CEP70: variants seen among roughly 807,000 people sequenced by gnomAD.
CEP70 encodes the protein centrosomal protein of 70 kDa.
Under a neutral mutation model 90.9 loss-of-function variants are expected in CEP70, and 70 were observed. The observed-to-expected ratio is 0.77, with a 90% CI of 0.64 to 0.94. The LOEUF (loss-of-function observed/expected upper bound fraction) is 0.94, where lower values mean the gene tolerates loss of function less well. Among genes scored for constraint, CEP70 ranks in the 40% least tolerant of loss-of-function variants. The pLI is 0.00. For synonymous variants in CEP70, 220 were observed against 228.3 expected, an observed-to-expected ratio of 0.96 and a Z score of 0.33; for missense variants, 648 against 669.0, an observed-to-expected ratio of 0.97 and a Z score of 0.35.
At chr3:138,555,055 C>T (rs559753674) in intron 6 of CEP70, among the ~76,000 whole-genome samples, 2 of 152,210 alleles carry the variant, frequency 1.3e-5, no homozygotes, top group Non-Finnish European at 2.9e-5. Flanking sequence ...TCAAGACCAG[C>T]CTGGCGAACA....
intron 4 of CEP70, 29 bp downstream of exon 4, chr3:138,571,237 C>CT: frequency 6.4e-7 from 1 of 1,574,492 alleles, no homozygotes; most frequent in South Asian, 1.2e-5. Context: ...AACTTTTTAC[C>CT]TTAAGCATCA....
intron 16 of CEP70, among the ~76,000 whole-genome samples, 159 bp from the exon 17 acceptor site, chr3:138,498,269 C>T (rs2034129066): frequency 6.6e-6 from 1 of 151,788 alleles, no homozygotes; most frequent in Admixed American, 6.6e-5. Context: ...TTTTGTTAAT[C>T]CAATATCACT....
intron 6 of CEP70, among the ~76,000 whole-genome samples, chr3:138,569,993 T>G (rs1295426714): frequency 6.6e-6 from 1 of 152,222 alleles, no homozygotes; most frequent in Non-Finnish European, 1.5e-5. Flanking sequence ...ATATAAATTT[T>G]GGATCCTATG....
intron 2 of CEP70, among the ~76,000 whole-genome samples, chr3:138,573,215 T>C (rs2041299721): frequency 6.6e-6 from 1 of 151,996 alleles, no homozygotes; most frequent in Non-Finnish European, 1.5e-5. Flanking sequence ...CACTCTGTCC[T>C]GTCTAACCCC....
At chr3:138,528,676 C>G (rs746802967) in intron 10 of CEP70, among the ~76,000 whole-genome samples, 1 of 151,982 alleles carries the variant, frequency 6.6e-6, no homozygotes, top group Non-Finnish European at 1.5e-5. Context: ...CAAGGAGACC[C>G]CATCTCTACC....
chr3:138,515,955 C>T (rs2035976419), intron 11 of CEP70, among the ~76,000 whole-genome samples: 1 of 152,098 alleles, frequency 6.6e-6, no homozygotes, highest in Admixed American at 6.5e-5. Context: ...TCCTTTTCCC[C>T]CACAACTCCC....
At chr3:138,532,686 G>C (rs1356896477) in intron 7 of CEP70, 116 bp from the exon 8 acceptor site, 3 of 965,574 alleles carry the variant, frequency 3.1e-6, no homozygotes, top group African/African-American at 1.7e-5. Flanking sequence ...TATCTGGCAG[G>C]CTTTAAAAAA....
chr3:138,497,688 A>G (rs2034073467), intron 17 of CEP70: 1 of 985,068 alleles, frequency 1.0e-6, no homozygotes, highest in South Asian at 4.7e-5. Context: ...TTAAGAAAAA[A>G]AAAGGAGGGA....
At chr3:138,576,377 G>A (rs1428883754) in intron 2 of CEP70, among the ~76,000 whole-genome samples, 2 of 152,086 alleles carry the variant, frequency 1.3e-5, no homozygotes, top group Non-Finnish European at 2.9e-5. Flanking sequence ...AATGGTAAAG[G>A]GATCAATTCA....
chr3:138,546,344 T>C (rs1427322645), intron 6 of CEP70, among the ~76,000 whole-genome samples: 3 of 152,216 alleles, frequency 2.0e-5, no homozygotes, highest in East Asian at 3.8e-4. Flanking sequence ...TACAAAGGAA[T>C]ATGTATTTTC....
chr3:138,551,075 T>C (rs1431952055), intron 6 of CEP70, among the ~76,000 whole-genome samples: 2 of 152,188 alleles, frequency 1.3e-5, no homozygotes, highest in East Asian at 3.9e-4. Context: ...CATCAGGTTA[T>C]TTAAAGTCAA....
chr3:138,593,348 G>C (rs1015469396), intron 1 of CEP70, among the ~76,000 whole-genome samples: 1 of 152,056 alleles, frequency 6.6e-6, no homozygotes, highest in Admixed American at 6.6e-5. Context: ...TCACCCGCCC[G>C]AGTAGCTGGG....
intron 11 of CEP70, among the ~76,000 whole-genome samples, chr3:138,520,040 C>A (rs1240257445): frequency 6.6e-6 from 1 of 152,098 alleles, no homozygotes; most frequent in African/African-American, 2.4e-5. Context: ...ATCCTAGTCT[C>A]TGATAAAACA....
intron 6 of CEP70, among the ~76,000 whole-genome samples, chr3:138,569,672 A>G (rs920056186): frequency 6.6e-6 from 1 of 152,196 alleles, no homozygotes; most frequent in Admixed American, 6.5e-5. Flanking sequence ...GTTTGAGACC[A>G]GCCTAGGTAA....
chr3:138,593,168 A>C (rs1029554456), intron 1 of CEP70: 1 of 152,204 alleles, frequency 6.6e-6, no homozygotes, highest in Non-Finnish European at 1.5e-5. Flanking sequence ...TTAAAGTACA[A>C]AACTCATGCA....
At chr3:138,547,667 T>G (rs1464884261) in intron 6 of CEP70, among the ~76,000 whole-genome samples, 2 of 152,182 alleles carry the variant, frequency 1.3e-5, no homozygotes, top group East Asian at 3.8e-4. Context: ...GGGCCTATTA[T>G]TAAGTAAAAT....
intron 6 of CEP70, among the ~76,000 whole-genome samples, chr3:138,566,169 G>A (rs1281125279): frequency 2.0e-5 from 3 of 152,204 alleles, no homozygotes; most frequent in Admixed American, 2.0e-4. Flanking sequence ...TAAAAAGTCA[G>A]AAAATAACAG....
At position 138,551,776 on chromosome 3, in the gene CEP70, CAAAGTATACAGGCA is replaced by C. The variant is rs1449677535; in HGVS notation, c.466-14443_466-14430del. Among the ~76,000 whole-genome samples, 6 of 149,334 alleles carry C rather than the reference CAAAGTATACAGGCA, an allele frequency of 4.0e-5. No homozygotes were observed. The East Asian group carries it at 1.2e-3, about 29-fold the overall frequency. ...AAAAAAAATAAAATAAAACAAAACC[CAAAGTATACAGGCA>C]AAAAATAGCATGATGAATGGAATAG... is the stretch of plus-strand genomic sequence containing the variant. On this transcript the variant is annotated intron_variant, in intron 6 of 17. Coordinates refer to ENST00000264982, the MANE Select transcript of CEP70 (RefSeq NM_024491.4).
At chr3:138,524,574 C>T (rs1233945215) in intron 11 of CEP70, among the ~76,000 whole-genome samples, 1 of 152,022 alleles carries the variant, frequency 6.6e-6, no homozygotes, top group Non-Finnish European at 1.5e-5. Context: ...AAGAAAAAAA[C>T]CAAACAACCC....
Sources: allele counts gnomAD v4.1 joint callset (sites outside exome capture counted in the v4.1 genomes callset), GRCh38; gene constraint gnomAD v4.1.1; transcripts MANE v1.5; gene names NCBI Gene and HGNC (gene_info 2026-07-23, HGNC 2026-07-21).